GHR: variants seen among roughly 807,000 people sequenced by gnomAD.
The protein encoded by GHR is GH receptor.
Under a neutral mutation model 67.1 loss-of-function variants are expected in GHR, and 35 were observed. The ratio of observed to expected loss-of-function variants is 0.52; its 90% confidence interval spans 0.40 to 0.69. GHR has a LOEUF of 0.69. Among genes scored for constraint, GHR ranks in the 30% least tolerant of loss-of-function variants. GHR has a pLI of 0.00. For synonymous variants in GHR, 272 were observed against 269.1 expected (o/e 1.01, Z -0.10); for missense variants, 792 against 764.6 (o/e 1.04, Z -0.42).
intron 1 of GHR, among the ~76,000 whole-genome samples, chr5:42,436,716 T>C (rs866796245): frequency 2.0e-4 from 30 of 152,346 alleles, no homozygotes; most frequent in Middle Eastern, 3.4e-3. Context: ...TATTTCTCAG[T>C]CTTTACATAG....
At chr5:42,699,500 C>T (rs889859895) in intron 5 of GHR, among the ~76,000 whole-genome samples, 1 of 152,056 alleles carries the variant, frequency 6.6e-6, no homozygotes, top group Non-Finnish European at 1.5e-5. Flanking sequence ...AAAATAAATT[C>T]CTTTGCCAAA....
At position 42,672,268 on chromosome 5, in the gene GHR, T is replaced by C. The variant is rs1165124850; in HGVS notation, c.137-16622T>C. 3.3e-5 allele frequency among the ~76,000 whole-genome samples: 5 copies of C among 152,296 alleles called. No homozygotes were observed. The East Asian group carries it at 9.6e-4, about 29-fold the overall frequency. ...CCTAAAGGCTCCACCAAAAAAGCTCTTGGAACTGATAAACAACTTCAGTAA... is the reference window on the plus strand; with the variant it reads ...CCTAAAGGCTCCACCAAAAAAGCTCCTGGAACTGATAAACAACTTCAGTAA... On this transcript the variant is annotated intron_variant, in intron 3 of 9. Transcript: ENST00000230882.
chr5:42,675,621 A>G (rs1259674012), intron 3 of GHR, among the ~76,000 whole-genome samples: 1 of 152,252 alleles, frequency 6.6e-6, no homozygotes, highest in Admixed American at 6.5e-5. Flanking sequence ...GTATTCAACC[A>G]CCAGCATTAA....
intron 1 of GHR, among the ~76,000 whole-genome samples, chr5:42,445,792 G>A (rs1448592744): frequency 6.6e-6 from 1 of 152,186 alleles, no homozygotes; most frequent in Non-Finnish European, 1.5e-5. Context: ...CGATAAGAAA[G>A]CAAAATTTTT....
intron 1 of GHR, among the ~76,000 whole-genome samples, chr5:42,454,628 A>G (rs555205849): frequency 3.3e-4 from 50 of 152,234 alleles, no homozygotes; most frequent in Non-Finnish European, 7.1e-4. Context: ...AGAATAGTTC[A>G]CCAGGGAAGT....
intron 1 of GHR, among the ~76,000 whole-genome samples, chr5:42,529,648 G>A (rs1351007313): frequency 3.3e-5 from 5 of 152,056 alleles, no homozygotes; most frequent in African/African-American, 9.7e-5. Flanking sequence ...TAACTGAAGC[G>A]CCCTATCACG....
At chr5:42,445,573 T>G (rs527372590) in intron 1 of GHR, among the ~76,000 whole-genome samples, 27 of 152,354 alleles carry the variant, frequency 1.8e-4, no homozygotes, top group African/African-American at 6.5e-4. Flanking sequence ...TTGGCATGAC[T>G]GTGCTTTTCT....
At chr5:42,589,547 T>C (rs184693444) in intron 2 of GHR, among the ~76,000 whole-genome samples, 114 of 152,370 alleles carry the variant, frequency 7.5e-4, no homozygotes, top group Admixed American at 1.5e-3. Context: ...TATAACTTTA[T>C]CTTTTAAGTG....
chr5:42,474,295 G>GAAAGAA lies in GHR; in HGVS notation c.-12+50341_-12+50342insAAGAAA, dbSNP rs147851081. On this transcript the variant is annotated intron_variant, in intron 1 of 9. Coordinates refer to ENST00000230882, the MANE Select transcript of GHR (RefSeq NM_000163.5). ...AGAAAGAAAGAAAGAAAAAGAGAAAGAGAAAGAAAGAAAGAAAGAAAGAAA... is the reference window on the plus strand; with the variant it reads ...AGAAAGAAAGAAAGAAAAAGAGAAAGAAAGAAAGAAAGAAAGAAAGAAAGAAAGAAA... Among the ~76,000 whole-genome samples, 724 of 81,062 alleles carry GAAAGAA rather than the reference G, an allele frequency of 8.9e-3. 15 individuals are homozygous for GAAAGAA. Among genetic ancestry groups the GAAAGAA allele is most frequent in the African/African-American group, 0.021 (374 of 17,710 alleles). The allele number at this position is 81,062 out of a possible 152,430, so 53.2% of individuals were successfully genotyped here. A position where few individuals can be genotyped will look rare whatever the true frequency, so the allele number is the denominator to read the frequency against.
At chr5:42,531,668 T>C (rs1747976625) in intron 1 of GHR, among the ~76,000 whole-genome samples, 1 of 152,198 alleles carries the variant, frequency 6.6e-6, no homozygotes, top group Admixed American at 6.5e-5. Context: ...TATATTATTA[T>C]TTTGATGTTT....
intron 1 of GHR, among the ~76,000 whole-genome samples, chr5:42,565,250 C>T (rs545577702): frequency 3.4e-4 from 51 of 152,146 alleles, no homozygotes; most frequent in Non-Finnish European, 5.3e-4. Flanking sequence ...AACCTCTCTA[C>T]GACACACTGT....
intron 1 of GHR, among the ~76,000 whole-genome samples, chr5:42,483,379 G>A (rs1238911872): frequency 1.3e-5 from 2 of 151,844 alleles, no homozygotes; most frequent in African/African-American, 4.8e-5. Flanking sequence ...TTATCAGCTT[G>A]CAAATGAGAA....
chr5:42,709,333 G>A (rs1239153316), intron 6 of GHR, among the ~76,000 whole-genome samples: 1 of 152,134 alleles, frequency 6.6e-6, no homozygotes, highest in Non-Finnish European at 1.5e-5. Flanking sequence ...AGTAGAGACA[G>A]GGTTTCATCA....
At chr5:42,665,681 CCACATGTATA>C (rs932220083) in intron 3 of GHR, among the ~76,000 whole-genome samples, 1 of 151,656 alleles carries the variant, frequency 6.6e-6, no homozygotes, top group African/African-American at 2.4e-5. Flanking sequence ...CACCAGCATG[CCACATGTATA>C]CACATGTGAC....
intron 1 of GHR, among the ~76,000 whole-genome samples, chr5:42,522,164 T>C (rs1328923005): frequency 6.6e-6 from 1 of 152,210 alleles, no homozygotes; most frequent in Admixed American, 6.5e-5. Context: ...TTACCAGATT[T>C]GTAATTTTAA....
chr5:42,424,813 A>G lies in GHR; in HGVS notation c.-12+858A>G, dbSNP rs1413054311. 6.6e-6 allele frequency among the ~76,000 whole-genome samples: 1 copy of G among 152,114 alleles called. No homozygotes were observed. Among genetic ancestry groups the G allele is most frequent in the South Asian group, 2.1e-4 (1 of 4,824 alleles). On this transcript the variant is annotated intron_variant, in intron 1 of 9. Transcript: ENST00000230882. This position sits in a 1 kb window ranked among gnomAD's most constrained non-coding sequence, Gnocchi z 4.1. Reference sequence around the variant, plus strand: ...TCTATTTGGGGCGAGTGCTTTATATATAGCCCGAGGGGATGCCTGCTGAGA... The same window carrying G: ...TCTATTTGGGGCGAGTGCTTTATATGTAGCCCGAGGGGATGCCTGCTGAGA...
intron 1 of GHR, among the ~76,000 whole-genome samples, chr5:42,432,029 T>C (rs1743118614): frequency 6.6e-6 from 1 of 152,220 alleles, no homozygotes; most frequent in Non-Finnish European, 1.5e-5. Flanking sequence ...TTTATGTACT[T>C]ATCCATGGTT....
chr5:42,574,330 G>A (rs142165139), intron 2 of GHR, among the ~76,000 whole-genome samples: 11 of 152,336 alleles, frequency 7.2e-5, no homozygotes, highest in East Asian at 5.8e-4. Context: ...CTCTGGCTAC[G>A]TTGACAAACT....
intron 3 of GHR, among the ~76,000 whole-genome samples, chr5:42,688,261 C>T (rs1429195025): frequency 1.3e-5 from 2 of 152,202 alleles, no homozygotes; most frequent in Non-Finnish European, 2.9e-5. Context: ...CACTATGCAC[C>T]CTGCCGGGCA....
Sources: gnomAD v4.1 joint callset for allele counts (sites outside exome capture counted in the v4.1 genomes callset) on GRCh38, gnomAD v4.1.1 for gene constraint, Gnocchi (gnomAD v3.1) non-coding constraint, MANE v1.5 for transcripts, NCBI Gene and HGNC (gene_info 2026-07-23, HGNC 2026-07-21) for gene names.